The following PTPRN2 variants were observed in gnomAD, a reference collection of about 807,000 sequenced individuals.
The protein encoded by PTPRN2 is protein tyrosine phosphatase receptor type N2.
A neutral mutation model predicts 118.8 loss-of-function variants in PTPRN2; 74 were observed. That is an observed-to-expected ratio of 0.62 (90% CI 0.52 to 0.76). The LOEUF (loss-of-function observed/expected upper bound fraction) is 0.76, where lower values mean the gene tolerates loss of function less well. Ranked by LOEUF, PTPRN2 falls within the 30% of genes least tolerant of loss-of-function variation. PTPRN2 has a pLI of 0.00. For synonymous variants in PTPRN2, 641 were observed against 608.0 expected, an observed-to-expected ratio of 1.05 and a Z score of -0.80; for missense variants, 1,481 against 1,394.4, an observed-to-expected ratio of 1.06 and a Z score of -0.99.
rs576220378 is a variant in PTPRN2, at chr7:157,746,761, C to T, written c.1789-63824G>A. 1.5e-4 allele frequency among the ~76,000 whole-genome samples: 23 copies of T among 152,330 alleles called. No homozygotes were observed. In the East Asian group the frequency reaches 3.7e-3, roughly 24 times the overall value. ...GATGCCCATTAAAGGCAGATCTCTT[C>T]CGTTCAGCTGCCTGGTCTGCTGAGC... On this transcript the variant is annotated intron_variant, in intron 12 of 22. Transcript: ENST00000389418.
rs543197570 is a variant in PTPRN2, at chr7:158,052,580, C to T, written c.1723+28718G>A. ...GTGGGGGCCGTGGAGGGGCGCCCTT[C>T]GGACCTCCTGGAGAGGGTAGAGGGG... On this transcript the variant is annotated intron_variant, in intron 11 of 22. Transcript: ENST00000389418. Among the ~76,000 whole-genome samples, 1,022 of 144,482 alleles carry T rather than the reference C, an allele frequency of 7.1e-3. 8 individuals carry two copies. Among genetic ancestry groups the T allele is most frequent in the Non-Finnish European group, 0.011 (717 of 65,618 alleles). 94.8% of individuals were successfully genotyped at this position (144,482 alleles called of 152,430 possible). A position where few individuals can be genotyped will look rare whatever the true frequency, so the allele number is the denominator to read the frequency against.
In PTPRN2 at chr7:158,093,377, A is replaced by T. The variant is rs1814373819; in HGVS notation, c.1644-12000T>A. Among the ~76,000 whole-genome samples the T allele has an allele frequency of 6.6e-6, 1 of 151,058 alleles. No individual in the cohort carries two copies. Among genetic ancestry groups the T allele is most frequent in the Non-Finnish European group, 1.5e-5 (1 of 67,958 alleles). The stretch of plus-strand genomic sequence containing the variant: ...ACCCCCACACTGTGGACCCACAGGT[A>T]GGCCTGCACCACTGTCCTTTCCTGA... On this transcript the variant is annotated intron_variant, in intron 10 of 22. Transcript: ENST00000389418. This position sits in a 1 kb window ranked among gnomAD's most constrained non-coding sequence, Gnocchi z 4.4.
At chr7:158,384,114 G>A (rs538224671) in intron 2 of PTPRN2, among the ~76,000 whole-genome samples, 15 of 152,226 alleles carry the variant, frequency 9.9e-5, no homozygotes, top group South Asian at 6.2e-4. Context: ...CATGATTTGC[G>A]TGCACCAACT....
At chr7:157,905,899 A>G (rs1312450545) in intron 11 of PTPRN2, among the ~76,000 whole-genome samples, 1 of 152,108 alleles carries the variant, frequency 6.6e-6, no homozygotes, top group African/African-American at 2.4e-5. Flanking sequence ...TATGGGGTGG[A>G]GCCTGGTTTC....
intron 2 of PTPRN2, among the ~76,000 whole-genome samples, chr7:158,465,736 AG>A (rs1819339777): frequency 6.6e-6 from 1 of 152,200 alleles, no homozygotes; most frequent in Non-Finnish European, 1.5e-5. Context: ...GCATTGATCC[AG>A]GGGCCTCCAG....
At chr7:157,698,388 A>C (rs981386613) in intron 12 of PTPRN2, among the ~76,000 whole-genome samples, 1 of 152,236 alleles carries the variant, frequency 6.6e-6, no homozygotes, top group Admixed American at 6.5e-5. Context: ...TGAAATCCAA[A>C]AATAGGAACT....
In PTPRN2 at chr7:158,133,894, C is replaced by T. The variant is rs142388788; in HGVS notation, c.1339G>A (p.Val447Ile). 1.5e-5 allele frequency: 25 copies of T among 1,613,918 alleles called. No individual in the cohort carries two copies. Among genetic ancestry groups the T allele is most frequent in the Middle Eastern group, 1.6e-4 (1 of 6,062 alleles). The change falls in exon 9 of 23, where the codon GTC becomes ATC. Residue 447 changes from valine to isoleucine, a missense_variant. Val to Ile is a conservative substitution (Grantham distance 29). Coordinates refer to ENST00000389418, the MANE Select transcript of PTPRN2 (RefSeq NM_002847.5). Reference protein sequence around the residue: ...SEEETAGVENVKSQTYSKDLL... With the variant: ...SEEETAGVENIKSQTYSKDLL... ...TCTTTGGAATACGTCTGGCTCTTGA[C>T]GTTCTCCACTCCGGCAGTCTCCTCT...
intron 12 of PTPRN2, among the ~76,000 whole-genome samples, chr7:157,689,979 G>A (rs1371050543): frequency 6.6e-6 from 1 of 152,210 alleles, no homozygotes; most frequent in Non-Finnish European, 1.5e-5. Flanking sequence ...CATCCTGGCT[G>A]CTCGCCCCTT....
chr7:158,086,293 G>A (rs761504536), intron 10 of PTPRN2, among the ~76,000 whole-genome samples: 10 of 151,466 alleles, frequency 6.6e-5, no homozygotes, highest in Admixed American at 1.3e-4. Context: ...GCCTCTGCAC[G>A]ATGAGATAAC....
chr7:157,695,633 G>T (rs1797728886), intron 12 of PTPRN2, among the ~76,000 whole-genome samples: 1 of 152,198 alleles, frequency 6.6e-6, no homozygotes, highest in Non-Finnish European at 1.5e-5. Context: ...TTGGCATTGA[G>T]ATAATTTAAG....
intron 12 of PTPRN2, among the ~76,000 whole-genome samples, chr7:157,821,528 C>T (rs1011454092): frequency 6.6e-6 from 1 of 152,146 alleles, no homozygotes; most frequent in African/African-American, 2.4e-5. Flanking sequence ...ATGGTTGACA[C>T]CAAGACAAGA....
chr7:157,618,058 C>T lies in PTPRN2; in HGVS notation c.2344+3304G>A, dbSNP rs2150627058. The T allele has an allele frequency of 6.6e-6, 1 of 152,352 alleles. No individual in the cohort carries two copies. The highest frequency in any genetic ancestry group is 2.1e-4 in the South Asian group (1 of 4,824). 9.4% of individuals were successfully genotyped at this position (152,352 alleles called of 1,614,324 possible). On this transcript the variant is annotated intron_variant, in intron 15 of 22. Coordinates refer to ENST00000389418, the MANE Select transcript of PTPRN2 (RefSeq NM_002847.5). This position sits in a 1 kb window ranked among gnomAD's most constrained non-coding sequence, Gnocchi z 4.2. ...AAACTTCTGAGATAATACAACTAGA[C>T]CTAGCATGGTGCCAGCCAAGCATTG...
At chr7:158,404,210 G>T (rs926743600) in intron 2 of PTPRN2, among the ~76,000 whole-genome samples, 1 of 152,232 alleles carries the variant, frequency 6.6e-6, no homozygotes, top group Non-Finnish European at 1.5e-5. Context: ...GACGTCACCA[G>T]AACACCTGTG....
At chr7:158,316,417 A>G (rs1802326367) in intron 3 of PTPRN2, among the ~76,000 whole-genome samples, 2 of 152,120 alleles carry the variant, frequency 1.3e-5, no homozygotes, top group African/African-American at 4.8e-5. Flanking sequence ...TTATCTTCTC[A>G]TCACCCCTGC....
chr7:158,362,233 C>A (rs528839687), intron 2 of PTPRN2, among the ~76,000 whole-genome samples: 4 of 152,216 alleles, frequency 2.6e-5, no homozygotes, highest in African/African-American at 4.8e-5. Context: ...CAGAAGAGGC[C>A]GCCCCTGCCC....
chr7:158,281,481 C>G (rs1799419221), intron 3 of PTPRN2, among the ~76,000 whole-genome samples: 1 of 152,204 alleles, frequency 6.6e-6, no homozygotes, highest in African/African-American at 2.4e-5. Context: ...TTGCATGTAA[C>G]TTTACAGTAT....
chr7:158,009,318 C>T (rs1355538825), intron 11 of PTPRN2, among the ~76,000 whole-genome samples: 1 of 152,070 alleles, frequency 6.6e-6, no homozygotes, highest in Non-Finnish European at 1.5e-5. Context: ...ATTTATTAAC[C>T]GTCACCACTC....
At chr7:158,101,947 G>A (rs954055038) in intron 10 of PTPRN2, among the ~76,000 whole-genome samples, 32 of 152,256 alleles carry the variant, frequency 2.1e-4, no homozygotes, top group African/African-American at 6.7e-4. Context: ...CCGTCACTAC[G>A]CCACGGTGGG....
intron 19 of PTPRN2, 29 bp downstream of exon 19, chr7:157,576,584 C>G (rs887870234): frequency 6.3e-7 from 1 of 1,587,890 alleles, no homozygotes; most frequent in Middle Eastern, 1.7e-4. Context: ...TCAGCGCGCA[C>G]TGCCCTGCCG....
Sources: gnomAD v4.1 joint callset for allele counts (sites outside exome capture counted in the v4.1 genomes callset) on GRCh38, gnomAD v4.1.1 for gene constraint, Gnocchi (gnomAD v3.1) non-coding constraint, MANE v1.5 for transcripts, NCBI Gene and HGNC (gene_info 2026-07-23, HGNC 2026-07-21) for gene names.